Variants in LCOR observed in about 807,000 individuals in gnomAD.
The protein encoded by LCOR is ligand-dependent corepressor.
LCOR carries 14 observed loss-of-function variants against 64.4 expected under a neutral mutation model. That is an observed-to-expected ratio of 0.22 (90% CI 0.14 to 0.34). LCOR has a LOEUF of 0.34. LCOR is among the 10% of genes least tolerant of loss of function. LCOR has a pLI of 1.00. For synonymous variants in LCOR, 643 were observed against 642.5 expected (o/e 1.00, Z -0.01); for missense variants, 1,686 against 1,765.3 (o/e 0.96, Z 0.80).
intron 2 of LCOR, among the ~76,000 whole-genome samples, chr10:96,834,829 T>C (rs1165086438): frequency 1.3e-5 from 2 of 152,222 alleles, no homozygotes; most frequent in African/African-American, 4.8e-5. Flanking sequence ...CAGGACCCCA[T>C]TTTTTCAGTC....
intron 2 of LCOR, among the ~76,000 whole-genome samples, chr10:96,894,883 T>G (rs970454234): frequency 1.1e-4 from 16 of 152,218 alleles, no homozygotes; most frequent in African/African-American, 3.1e-4. Flanking sequence ...ATATAATAGT[T>G]CAGATCAGCT....
intron 2 of LCOR, among the ~76,000 whole-genome samples, chr10:96,838,078 C>G (rs1481759159): frequency 6.6e-6 from 1 of 152,168 alleles, no homozygotes; most frequent in Non-Finnish European, 1.5e-5. Flanking sequence ...GCACATTGCT[C>G]TGGGGGTAAA....
intron 4 of LCOR, among the ~76,000 whole-genome samples, chr10:96,926,329 A>G (rs1052983323): frequency 6.6e-6 from 1 of 152,236 alleles, no homozygotes; most frequent in African/African-American, 2.4e-5. Context: ...AAAGAAATTT[A>G]TGGAAAGTAA....
Position 96,949,090 on chromosome 10 carries a change from A to C in LCOR, c.33A>C (p.Glu11Asp), listed in dbSNP as rs770837388. ...GAATGATCCAACAATTTGCTGCTGA[A>C]TATACCTCAAAAAATAGCTCTACTC... is the stretch of plus-strand genomic sequence containing the variant. MQRMIQQFAA[E>D]YTSKNSSTQD... Residue 11 changes from glutamate (E) to aspartate (D), a missense_variant, in exon 6 of 8, where the codon GAA becomes GAC. Glu to Asp is a conservative substitution (Grantham distance 45). Around this residue, in one of 3 missense-constraint regions of LCOR, gnomAD observed 80 missense variants for 107.7 expected, o/e 0.74. Coordinates refer to ENST00000421806, the MANE Select transcript of LCOR (RefSeq NM_001346516.2). 1.2e-6 allele frequency: 2 copies of C among 1,613,932 alleles called. No homozygotes were observed. The highest frequency in any genetic ancestry group is 1.3e-5 in the African/African-American group (1 of 74,876).
intron 2 of LCOR, among the ~76,000 whole-genome samples, chr10:96,893,436 A>G (rs1846480488): frequency 6.6e-6 from 1 of 152,220 alleles, no homozygotes; most frequent in African/African-American, 2.4e-5. Context: ...TTATAAATTT[A>G]TAGCCAAGGA....
At chr10:96,905,715 G>A (rs904268293) in intron 2 of LCOR, among the ~76,000 whole-genome samples, 1 of 151,954 alleles carries the variant, frequency 6.6e-6, no homozygotes, top group Non-Finnish European at 1.5e-5. Flanking sequence ...CCTCCCATTT[G>A]TTTGAGTGGG....
chr10:96,889,772 T>A (rs1215392254), intron 2 of LCOR, among the ~76,000 whole-genome samples: 1 of 152,216 alleles, frequency 6.6e-6, no homozygotes, highest in East Asian at 1.9e-4. Flanking sequence ...ATGGCTGTAC[T>A]CCATTTTGTT....
intron 2 of LCOR, among the ~76,000 whole-genome samples, chr10:96,897,100 G>GCAAAAAAAAAAAAAAAAA (rs1846551623): frequency 1.3e-5 from 1 of 78,572 alleles, no homozygotes; most frequent in African/African-American, 6.5e-5. Flanking sequence ...AGAAAGAAAA[G>GCAAAAAAAAAAAAAAAAA]CAAAAAAAAA....
chr10:96,890,973 C>T (rs895308809), intron 2 of LCOR, among the ~76,000 whole-genome samples: 2 of 151,982 alleles, frequency 1.3e-5, no homozygotes, highest in African/African-American at 2.4e-5. Flanking sequence ...CATCTCTATT[C>T]GTGAGGGAGA....
At chr10:96,890,968 CTA>C (rs1443225691) in intron 2 of LCOR, among the ~76,000 whole-genome samples, 1 of 152,056 alleles carries the variant, frequency 6.6e-6, no homozygotes, top group Admixed American at 6.5e-5. Flanking sequence ...TCTTGCATCT[CTA>C]TTCGTGAGGG....
At chr10:96,882,206 A>C (rs1846274876) in intron 2 of LCOR, among the ~76,000 whole-genome samples, 1 of 152,138 alleles carries the variant, frequency 6.6e-6, no homozygotes, top group African/African-American at 2.4e-5. Flanking sequence ...CCTTTTTTGC[A>C]CATTTCTTTA....
chr10:96,890,097 TTTTTGTTTTG>T lies in LCOR; in HGVS notation c.-329-17154_-329-17145del, dbSNP rs753133881. Reference sequence around the variant, plus strand: ...TTATTTTCTTTGTATGCGTGTAGTTTTTTTGTTTTGTTTTGTTTTGTTTGAGATGGAGTCT... The same window carrying T: ...TTATTTTCTTTGTATGCGTGTAGTTTTTTTGTTTTGTTTGAGATGGAGTCT... On this transcript the variant is annotated intron_variant, in intron 2 of 7. Coordinates refer to ENST00000421806, the MANE Select transcript of LCOR (RefSeq NM_001346516.2). Among the ~76,000 whole-genome samples the T allele has an allele frequency of 2.0e-5, 3 of 151,768 alleles. No individual in the cohort carries two copies. In the South Asian group the frequency reaches 6.3e-4, roughly 32 times the overall value.
intron 2 of LCOR, 140 bp downstream of exon 2, chr10:96,833,619 CTCG>C (rs1350515996): frequency 4.6e-6 from 1 of 218,762 alleles, no homozygotes; most frequent in African/African-American, 2.3e-5. Flanking sequence ...GAGATGCCCT[CTCG>C]TCGTCCGCTG....
intron 2 of LCOR, among the ~76,000 whole-genome samples, chr10:96,859,494 G>A (rs531686678): frequency 3.3e-5 from 5 of 152,074 alleles, no homozygotes; most frequent in South Asian, 2.1e-4. Flanking sequence ...TTATAGGTGC[G>A]AGCCACCGCG....
chr10:96,944,797 GC>G (rs1847558468), intron 5 of LCOR, among the ~76,000 whole-genome samples: 1 of 151,886 alleles, frequency 6.6e-6, no homozygotes, highest in Non-Finnish European at 1.5e-5. Context: ...TCAACCTCTT[GC>G]ATTTTTAAAA....
rs184678098 is a variant in LCOR, at chr10:96,873,372, A to G, written c.-329-33893A>G. Among the ~76,000 whole-genome samples the G allele has an allele frequency of 2.3e-3, 343 of 152,266 alleles. 5 individuals carry two copies. Among genetic ancestry groups the G allele is most frequent in the African/African-American group, 7.9e-3 (329 of 41,552 alleles). On this transcript the variant is annotated intron_variant, in intron 2 of 7. Coordinates refer to ENST00000421806, the MANE Select transcript of LCOR (RefSeq NM_001346516.2). The stretch of plus-strand genomic sequence containing the variant: ...TTGTGCTTTGAAAGGTGAGGAAATT[A>G]GTATTCTAACATTTCTTTTCATCAC...
chr10:96,909,964 A>AT (rs1012195223), intron 4 of LCOR, among the ~76,000 whole-genome samples: 24 of 151,424 alleles, frequency 1.6e-4, no homozygotes, highest in African/African-American at 4.4e-4. Context: ...ACAGTTACTA[A>AT]TTTTTTTTTC....
At chr10:96,893,815 TCAGATATTTGAACC>T (rs1332410552) in intron 2 of LCOR, among the ~76,000 whole-genome samples, 2 of 150,972 alleles carry the variant, frequency 1.3e-5, no homozygotes, top group African/African-American at 4.9e-5. Flanking sequence ...TAAAAGAGAA[TCAGATATTTGAACC>T]CAGGTGACCT....
At chr10:96,857,305 T>G (rs182099093) in intron 2 of LCOR, among the ~76,000 whole-genome samples, 2 of 152,306 alleles carry the variant, frequency 1.3e-5, no homozygotes, top group East Asian at 1.9e-4. Flanking sequence ...AGCCATCCCC[T>G]GTACTTTTTT....
Sources: gnomAD v4.1 joint callset for allele counts (sites outside exome capture counted in the v4.1 genomes callset) on GRCh38, gnomAD v4.1.1 for gene constraint, gnomAD v4.1.1 regional missense constraint, MANE v1.5 for transcripts, NCBI Gene and HGNC (gene_info 2026-07-23, HGNC 2026-07-21) for gene names.